The following ABTB3 variants were observed in gnomAD, a reference collection of about 807,000 sequenced individuals.
ABTB3 encodes the protein ankyrin repeat and BTB domain containing 3, also known as ankyrin repeat- and BTB/POZ domain-containing protein 3.
At chr12:107,512,599 A>G in the ABTB3 span, among the ~76,000 whole-genome samples, 10 of 152,184 alleles carry the variant, frequency 6.6e-5, no homozygotes, top group Non-Finnish European at 2.9e-5. Flanking sequence ...CATGTTCCCT[A>G]GTTGTGCCTG....
the ABTB3 span, among the ~76,000 whole-genome samples, chr12:107,543,391 C>T: frequency 6.8e-6 from 1 of 147,924 alleles, no homozygotes; most frequent in South Asian, 2.2e-4. Flanking sequence ...AGTGTGATAA[C>T]CCAAGTAAGG....
the ABTB3 span, chr12:107,610,135 C>T: frequency 1.4e-5 from 22 of 1,608,698 alleles, no homozygotes; most frequent in Non-Finnish European, 1.9e-5. Context: ...GGAGTTTGCT[C>T]CTGTGCCCCT....
the ABTB3 span, among the ~76,000 whole-genome samples, chr12:107,611,970 T>A: frequency 1.3e-5 from 2 of 152,168 alleles, no homozygotes; most frequent in Non-Finnish European, 2.9e-5. Context: ...GTAATGTTTT[T>A]CATTTGTGAT....
the ABTB3 span, among the ~76,000 whole-genome samples, chr12:107,407,446 C>T: frequency 1.3e-5 from 2 of 152,184 alleles, no homozygotes; most frequent in Non-Finnish European, 2.9e-5. Flanking sequence ...AAGGCTTGGC[C>T]CCTTGCTGAG....
the ABTB3 span, among the ~76,000 whole-genome samples, chr12:107,398,870 A>T: frequency 1.3e-5 from 2 of 152,240 alleles, no homozygotes; most frequent in Non-Finnish European, 2.9e-5. Flanking sequence ...TCAGTAAACC[A>T]GTAAGAGTGC....
At chr12:107,332,832 G>C in the ABTB3 span, among the ~76,000 whole-genome samples, 1 of 152,174 alleles carries the variant, frequency 6.6e-6, no homozygotes, top group African/African-American at 2.4e-5. Flanking sequence ...GCTAGGGTTG[G>C]GCTACAGATT....
At chr12:107,388,092 C>A in the ABTB3 span, among the ~76,000 whole-genome samples, 1 of 151,638 alleles carries the variant, frequency 6.6e-6, no homozygotes, top group Non-Finnish European at 1.5e-5. Context: ...CCTGCCTCAG[C>A]CTTCCGAGTA....
At chr12:107,406,699 G>T in the ABTB3 span, among the ~76,000 whole-genome samples, 1 of 152,194 alleles carries the variant, frequency 6.6e-6, no homozygotes, top group East Asian at 1.9e-4. Flanking sequence ...AAAACAGGCA[G>T]AAATCCCTGT....
At chr12:107,487,041 A>C in the ABTB3 span, among the ~76,000 whole-genome samples, 1 of 152,188 alleles carries the variant, frequency 6.6e-6, no homozygotes, top group East Asian at 1.9e-4. Context: ...AACAGACTAC[A>C]CAGCATGTAT....
the ABTB3 span, among the ~76,000 whole-genome samples, chr12:107,429,881 T>C: frequency 3.9e-5 from 6 of 152,354 alleles, no homozygotes; most frequent in African/African-American, 1.4e-4. Flanking sequence ...CAGGCAGCAC[T>C]TGAGACAGAC....
chr12:107,581,276 G>T, the ABTB3 span: 1 of 1,477,034 alleles, frequency 6.8e-7, no homozygotes, highest in Non-Finnish European at 8.9e-7. Context: ...GCTGCTGCCC[G>T]GCGTGGACTG....
At chr12:107,511,838 C>T in the ABTB3 span, among the ~76,000 whole-genome samples, 1 of 152,140 alleles carries the variant, frequency 6.6e-6, no homozygotes, top group East Asian at 1.9e-4. Flanking sequence ...CATAACACTG[C>T]TTAATTCTGG....
chr12:107,627,523 C>T, the ABTB3 span, among the ~76,000 whole-genome samples: 1 of 152,224 alleles, frequency 6.6e-6, no homozygotes, highest in Non-Finnish European at 1.5e-5. Flanking sequence ...AACCCATGCT[C>T]TTAACTGTGA....
the ABTB3 span, among the ~76,000 whole-genome samples, chr12:107,548,600 G>C: frequency 5.3e-5 from 8 of 152,132 alleles, no homozygotes; most frequent in Non-Finnish European, 1.0e-4. Context: ...CAGAACTTTG[G>C]CTACTATTTC....
chr12:107,560,154 T>C, the ABTB3 span, among the ~76,000 whole-genome samples: 1 of 152,214 alleles, frequency 6.6e-6, no homozygotes, highest in African/African-American at 2.4e-5. Flanking sequence ...GAATATTCCA[T>C]CATGTGACTG....
At chr12:107,333,469 A>T in the ABTB3 span, among the ~76,000 whole-genome samples, 1 of 152,134 alleles carries the variant, frequency 6.6e-6, no homozygotes, top group Non-Finnish European at 1.5e-5. Context: ...CCAGAAGAGG[A>T]CATGAGGCCC....
chr12:107,628,536 C>CAGCTTTTT, the ABTB3 span, among the ~76,000 whole-genome samples: 2 of 152,190 alleles, frequency 1.3e-5, no homozygotes, highest in East Asian at 3.8e-4. Flanking sequence ...TTCTGAGACA[C>CAGCTTTTT]AGCTTTTTTC....
chr12:107,435,906 G>A, the ABTB3 span, among the ~76,000 whole-genome samples: 3 of 152,226 alleles, frequency 2.0e-5, no homozygotes, highest in East Asian at 5.8e-4. Context: ...GCCACGTGTG[G>A]CTGTTAATAC....
chr12:107,513,865 C>A, the ABTB3 span, among the ~76,000 whole-genome samples: 1 of 152,202 alleles, frequency 6.6e-6, no homozygotes, highest in African/African-American at 2.4e-5. Flanking sequence ...CTGCCCAGAG[C>A]AGCAGCTTTC....
Sources: gnomAD v4.1 joint callset for allele counts (sites outside exome capture counted in the v4.1 genomes callset) on GRCh38, gnomAD v4.1.1 for gene constraint, MANE v1.5 for transcripts, NCBI Gene and HGNC (gene_info 2026-07-23, HGNC 2026-07-21) for gene names.